Variants in OTOG observed in about 807,000 individuals in gnomAD.
OTOG encodes otogelin.
OTOG carries 296 observed loss-of-function variants against 313.8 expected under a neutral mutation model. That is an observed-to-expected ratio of 0.94 (90% CI 0.86 to 1.04). OTOG has a LOEUF of 1.04. OTOG is among the 50% of genes least tolerant of loss of function. OTOG has a pLI of 0.00. For missense variants in OTOG, 3,948 were observed against 3,840.1 expected, an observed-to-expected ratio of 1.03 and a Z score of -0.74; for synonymous variants, 1,533 against 1,554.9, an observed-to-expected ratio of 0.99 and a Z score of 0.33.
intron 30 of OTOG, among the ~76,000 whole-genome samples, chr11:17,597,675 A>C (rs115248864): frequency 0.028 from 4,303 of 152,338 alleles, 205 homozygotes; most frequent in African/African-American, 0.098. Context: ...TTTAAAAATT[A>C]ATATTTAAAA....
At position 17,574,704 on chromosome 11, in the gene OTOG, T is replaced by TC. The variant is rs897293212; in HGVS notation, c.2294-10dup. The TC allele has an allele frequency of 1.3e-5, 20 of 1,545,546 alleles. No homozygotes were observed. In the African/African-American group the frequency reaches 2.3e-4, roughly 18 times the overall value. On this transcript the variant is annotated splice_polypyrimidine_tract_variant and intron_variant, in intron 19 of 55. Transcript: ENST00000399397. Reference sequence around the variant, plus strand: ...ATGAGGGAGACAAAGCATGCACCACTCCCCCCTCACTGCAGCACTGTCCTG... The same window carrying TC: ...ATGAGGGAGACAAAGCATGCACCACTCCCCCCCTCACTGCAGCACTGTCCTG...
In OTOG at chr11:17,573,173, C is replaced by T. The variant is rs541824893; in HGVS notation, c.2176C>T (p.Arg726Cys). The change falls in exon 19 of 56, where the codon CGC becomes TGC. Residue 726 changes from arginine to cysteine, a missense_variant. Coordinates refer to ENST00000399397, the MANE Select transcript of OTOG (RefSeq NM_001292063.2). ...CCCCGTGCCCTACTTTGAGCAGTGC[C>T]GCAGGGATGCCTGCCGCTGCGGGCA... Reference protein sequence around the residue: ...LSPVPYFEQCRRDACRCGQPC... With the variant: ...LSPVPYFEQCCRDACRCGQPC... The T allele has an allele frequency of 5.1e-5, 78 of 1,542,404 alleles. 1 individual carries two copies. The Middle Eastern group carries it at 1.2e-3, about 23-fold the overall frequency.
chr11:17,640,712 AC>A (rs1309227435), intron 49 of OTOG, 32 bp from the exon 50 acceptor site: 1 of 1,546,320 alleles, frequency 6.5e-7, no homozygotes, highest in Non-Finnish European at 8.7e-7. Context: ...CTGGCCCCCA[AC>A]CCAGGGTGCT....
chr11:17,631,378 C>CTCTCTCTG (rs375572156), intron 40 of OTOG, among the ~76,000 whole-genome samples: 140 of 128,848 alleles, frequency 1.1e-3, no homozygotes, highest in African/African-American at 4.6e-3. Context: ...CTCTCTCTCT[C>CTCTCTCTG]TGTGTGTGTG....
intron 15 of OTOG, among the ~76,000 whole-genome samples, chr11:17,564,611 C>A (rs1046512932): frequency 6.6e-6 from 1 of 152,168 alleles, no homozygotes; most frequent in Non-Finnish European, 1.5e-5. Flanking sequence ...GATGAAGCTG[C>A]GACTGCACTC....
chr11:17,609,435 G>A lies in OTOG; in HGVS notation c.4355-220G>A, dbSNP rs138604705. ...CCAGAGTGGGGTCACATGGTGAGAA[G>A]GTGGTGCAGCCAGACTTAGACCTGA... On this transcript the variant is annotated intron_variant, in intron 35 of 55. Coordinates refer to ENST00000399397, the MANE Select transcript of OTOG (RefSeq NM_001292063.2). Among the ~76,000 whole-genome samples the A allele has an allele frequency of 1.5e-4, 23 of 152,156 alleles. No homozygotes were observed. In the East Asian group the frequency reaches 4.5e-3, roughly 29 times the overall value.
chr11:17,576,500 G>GT, intron 20 of OTOG, 56 bp from the exon 21 acceptor site: 1 of 1,441,698 alleles, frequency 6.9e-7, no homozygotes, highest in East Asian at 2.5e-5. Flanking sequence ...GTCCTTGGCA[G>GT]TCTCTGCCCT....
intron 39 of OTOG, 69 bp downstream of exon 39, chr11:17,613,770 T>G: frequency 7.5e-7 from 1 of 1,330,664 alleles, no homozygotes; most frequent in Non-Finnish European, 1.0e-6. Flanking sequence ...CATCCAGGGG[T>G]GGAGGGGCTG....
rs1852163346 is a variant in OTOG at position 17,560,786 on chromosome 11, G to A, written c.1420G>A (p.Gly474Ser). 1 of 1,550,784 alleles carries A rather than the reference G, an allele frequency of 6.4e-7. No individual in the cohort carries two copies. The highest frequency in any genetic ancestry group is 8.7e-7 in the Non-Finnish European group (1 of 1,147,014). ...CEFHGTLYPP[G>S]SVVKEDCNTC... is the part of the protein sequence containing the mutation. ...GTTTCACGGGACTCTGTACCCACCT[G>A]GCTCTGTGGTGAAGGAAGACTGCAA... Residue 474 changes from glycine to serine, a missense_variant, in exon 13 of 56, where the codon GGC (glycine) becomes AGC (serine). By Grantham distance (56) the Gly-to-Ser change is moderately conservative. Transcript: ENST00000399397.
In OTOG at chr11:17,610,692, C is replaced by T. The variant is rs1233638742; in HGVS notation, c.5392C>T (p.Leu1798Phe). Residue 1798 changes from leucine (L) to phenylalanine (F), a missense_variant, in exon 36 of 56, where the codon CTC becomes TTC. Transcript: ENST00000399397. Reference protein sequence around the residue: ...MSLESTRPSQLLSGLPPDTSL... With the variant: ...MSLESTRPSQFLSGLPPDTSL... ...CCTTGAGTCAACTCGTCCCTCCCAG[C>T]TCCTCTCTGGCCTGCCTCCCGACAC... is the stretch of plus-strand genomic sequence containing the variant. 6.4e-7 allele frequency: 1 copy of T among 1,550,624 alleles called. No individual in the cohort carries two copies. The highest frequency in any genetic ancestry group is 8.7e-7 in the Non-Finnish European group (1 of 1,147,010).
chr11:17,632,016 A>C, intron 41 of OTOG, 72 bp from the exon 42 acceptor site: 2 of 1,539,120 alleles, frequency 1.3e-6, no homozygotes, highest in Non-Finnish European at 1.8e-6. Flanking sequence ...CCTTTTGGGC[A>C]GGGAGGGGAG....
chr11:17,592,415 A>G (rs1261076717), intron 25 of OTOG, among the ~76,000 whole-genome samples: 1 of 152,214 alleles, frequency 6.6e-6, no homozygotes, highest in Non-Finnish European at 1.5e-5. Context: ...TTATTTAAAA[A>G]GTTTTAAAGG....
In OTOG at chr11:17,624,610, T is replaced by C. The variant is rs369521611; in HGVS notation, c.6529-4523T>C. 1.3e-3 allele frequency among the ~76,000 whole-genome samples: 202 copies of C among 152,326 alleles called. 1 individual carries two copies. In the Middle Eastern group the frequency reaches 0.024, roughly 18 times the overall value. On this transcript the variant is annotated intron_variant, in intron 39 of 55. Transcript: ENST00000399397. ...ATGATGCCTCCAGCTTTGTTCTTTT[T>C]GCTTAGGATTGCCTTGGCTATTCGG...
At chr11:17,578,735 A>G (rs1174270316) in intron 23 of OTOG, among the ~76,000 whole-genome samples, 1 of 152,012 alleles carries the variant, frequency 6.6e-6, no homozygotes, top group Non-Finnish European at 1.5e-5. Flanking sequence ...GAGGAGGGAG[A>G]GCCCTGGCCG....
chr11:17,606,190 C>T (rs897096598), intron 33 of OTOG, 55 bp downstream of exon 33: 25 of 1,471,056 alleles, frequency 1.7e-5, no homozygotes, highest in Admixed American at 2.2e-5. Flanking sequence ...GTCCACTGCT[C>T]TTCCCACCCT....
At chr11:17,576,942 T>A (rs1320515536) in intron 22 of OTOG, 31 bp downstream of exon 22, 1 of 1,542,368 alleles carries the variant, frequency 6.5e-7, no homozygotes, top group African/African-American at 1.4e-5. Context: ...GGAGCCCTTC[T>A]GGGGGCTCCA....
Position 17,586,503 on chromosome 11 carries a change from T to C in OTOG, c.2789T>C (p.Leu930Pro). The C allele has an allele frequency of 2.1e-6, 3 of 1,448,242 alleles. No homozygotes were observed. Among genetic ancestry groups the C allele is most frequent in the Non-Finnish European group, 2.7e-6 (3 of 1,095,628 alleles). 89.7% of individuals were successfully genotyped at this position (1,448,242 alleles called of 1,614,324 possible). A position where few individuals can be genotyped will look rare whatever the true frequency, so the allele number is the denominator to read the frequency against. Residue 930 changes from leucine to proline, a missense_variant, in exon 24 of 56, where the codon CTG (leucine) becomes CCG (proline). By Grantham distance (98) the Leu-to-Pro change is moderately conservative (BLOSUM62 -3). Coordinates refer to ENST00000399397, the MANE Select transcript of OTOG (RefSeq NM_001292063.2). ...CTCAGACACGGGGATGCATGTTTCCTGCCAGAGGAGTGCCCCTGCACTTGG... is the reference window on the plus strand; with the variant it reads ...CTCAGACACGGGGATGCATGTTTCCCGCCAGAGGAGTGCCCCTGCACTTGG... ...GLLRHGDACF[L>P]PEECPCTWKG...
At chr11:17,604,722 G>A (rs1232224439) in intron 32 of OTOG, among the ~76,000 whole-genome samples, 1 of 152,230 alleles carries the variant, frequency 6.6e-6, no homozygotes, top group African/African-American at 2.4e-5. Flanking sequence ...CTAGAACAGG[G>A]CCTGGCCCAC....
At chr11:17,554,064 G>T (rs992638031) in intron 6 of OTOG, among the ~76,000 whole-genome samples, 1 of 152,190 alleles carries the variant, frequency 6.6e-6, no homozygotes, top group African/African-American at 2.4e-5. Flanking sequence ...GTAGGAGAGT[G>T]TGGGCAGACT....
Sources: gnomAD v4.1 joint callset for allele counts (sites outside exome capture counted in the v4.1 genomes callset) on GRCh38, gnomAD v4.1.1 for gene constraint, MANE v1.5 for transcripts, NCBI Gene and HGNC (gene_info 2026-07-23, HGNC 2026-07-21) for gene names.